ELL3: variants seen among roughly 807,000 people sequenced by gnomAD.
ELL3 encodes the protein RNA polymerase II elongation factor ELL3.
A neutral mutation model predicts 58.5 loss-of-function variants in ELL3; 48 were observed. That is an observed-to-expected ratio of 0.82 (90% CI 0.65 to 1.04). The LOEUF (loss-of-function observed/expected upper bound fraction) is 1.04, where lower values mean the gene tolerates loss of function less well. ELL3 is among the 50% of genes least tolerant of loss of function. ELL3 has a pLI of 0.00. For missense variants in ELL3, 458 were observed against 478.4 expected, an observed-to-expected ratio of 0.96 and a Z score of 0.40; for synonymous variants, 174 against 173.2, an observed-to-expected ratio of 1.00 and a Z score of -0.04.
intron 1 of ELL3, 34 bp downstream of exon 1, chr15:43,776,736 G>T (rs773951495): frequency 1.3e-6 from 2 of 1,587,900 alleles, no homozygotes; most frequent in East Asian, 4.5e-5. Context: ...GGTCCCTAGG[G>T]GCAGTGACTA....
chr15:43,774,563 A>G (rs760736971), intron 7 of ELL3, 33 bp downstream of exon 7: 45 of 1,613,942 alleles, frequency 2.8e-5, no homozygotes, highest in East Asian at 1.8e-4. Flanking sequence ...AGTCTTTTCC[A>G]CTGGCATTTT....
intron 9 of ELL3, among the ~76,000 whole-genome samples, 163 bp downstream of exon 9, chr15:43,774,019 T>G: frequency 6.6e-6 from 1 of 152,096 alleles, no homozygotes; most frequent in East Asian, 1.9e-4. Flanking sequence ...AGAAGGGAAG[T>G]AACTTCCCTT....
Position 43,776,921 on chromosome 15 carries a change from A to G in ELL3, c.-20T>C, listed in dbSNP as rs1489304657. The G allele has an allele frequency of 6.2e-7, 1 of 1,607,924 alleles. No homozygotes were observed. The highest frequency in any genetic ancestry group is 1.3e-5 in the African/African-American group (1 of 74,922). ...CTCCATGGCGACGAGTTCGAGTGCA[A>G]GCAGCACGGGGGCCACAGGCGAGGG... On this transcript the variant is annotated 5_prime_UTR_variant, in exon 1 of 11. Coordinates refer to ENST00000319359, the MANE Select transcript of ELL3 (RefSeq NM_025165.3).
Position 43,775,796 on chromosome 15 carries a change from G to A in ELL3, c.409C>T (p.Pro137Ser). The A allele has an allele frequency of 1.2e-6, 2 of 1,614,176 alleles. No individual in the cohort carries two copies. Among genetic ancestry groups the A allele is most frequent in the Non-Finnish European group, 1.7e-6 (2 of 1,180,042 alleles). ...GHNLTEDARHPESWQNTGGYS... is the reference protein window; with the variant it reads ...GHNLTEDARHSESWQNTGGYS... ...CCTCCTGTGTTCTGCCAACTCTCAG[G>A]ATGTCTGGCATCTTCAGTCAGGTTG... Residue 137 changes from proline (P) to serine (S), a missense_variant, in exon 4 of 11, where the codon CCT becomes TCT. Pro to Ser is a moderately conservative substitution (Grantham distance 74). Coordinates refer to ENST00000319359, the MANE Select transcript of ELL3 (RefSeq NM_025165.3).
chr15:43,772,739 T>C lies in ELL3; in HGVS notation c.*377A>G, dbSNP rs1286843083. ...TTTTAACTCTTATCAGAAGTTATTA[T>C]TACTGTTTCCTTAGAGAGGCTACCA... On this transcript the variant is annotated 3_prime_UTR_variant, in exon 11 of 11. Transcript: ENST00000319359. 1 of 163,644 alleles carries C rather than the reference T, an allele frequency of 6.1e-6. No homozygotes were observed. The highest frequency in any genetic ancestry group is 1.3e-5 in the Non-Finnish European group (1 of 75,820). The allele number at this position is 163,644 out of a possible 1,614,324, so 10.1% of individuals were successfully genotyped here.
chr15:43,774,709 A>C lies in ELL3; in HGVS notation c.710T>G (p.Val237Gly). The C allele has an allele frequency of 6.2e-7, 1 of 1,614,114 alleles. No homozygotes were observed. Among genetic ancestry groups the C allele is most frequent in the Admixed American group, 1.7e-5 (1 of 59,996 alleles). The change falls in exon 7 of 11, where the codon GTG (valine) becomes GGG (glycine). Residue 237 changes from valine (V) to glycine (G), a missense_variant. Transcript: ENST00000319359. ...EEKRFRTLPL[V>G]PSPLQGLTNQ... Reference sequence around the variant, plus strand: ...GGTCAGGCCTTGTAGGGGGCTTGGCACTAAAGGCAGAGTTCTGAACCTCTT... The same window carrying C: ...GGTCAGGCCTTGTAGGGGGCTTGGCCCTAAAGGCAGAGTTCTGAACCTCTT...
rs745711018 is a variant in ELL3 at position 43,773,100 on chromosome 15, A to C, written c.*16T>G. On this transcript the variant is annotated 3_prime_UTR_variant, in exon 11 of 11. Coordinates refer to ENST00000319359, the MANE Select transcript of ELL3 (RefSeq NM_025165.3). ...GTGTTTCACTAAGCAGAGGCTCAAA[A>C]ATTCCCTTGATAACTTCAGCTGCCC... is the stretch of plus-strand genomic sequence containing the variant. The C allele has an allele frequency of 1.3e-6, 2 of 1,582,236 alleles. No individual in the cohort carries two copies. Among genetic ancestry groups the C allele is most frequent in the Non-Finnish European group, 1.7e-6 (2 of 1,168,734 alleles).
chr15:43,774,541 C>G, intron 7 of ELL3, 23 bp from the exon 8 acceptor site: 1 of 1,614,130 alleles, frequency 6.2e-7, no homozygotes, highest in Non-Finnish European at 8.5e-7. Context: ...CAAGAAAACA[C>G]AAGTGATTAT....
At chr15:43,775,954 G>T in intron 3 of ELL3, 31 bp from the exon 4 acceptor site, 1 of 1,613,240 alleles carries the variant, frequency 6.2e-7, no homozygotes, top group Non-Finnish European at 8.5e-7. Context: ...AAAATAGGAG[G>T]GTGGAGACCT....
At chr15:43,776,433 C>T in intron 2 of ELL3, 76 bp downstream of exon 2, 1 of 1,549,738 alleles carries the variant, frequency 6.5e-7, no homozygotes, top group Non-Finnish European at 8.7e-7. Flanking sequence ...CCGGCCCCGA[C>T]CGCACCTTCC....
At position 43,774,369 on chromosome 15, in the gene ELL3, A is replaced by G; in HGVS notation, c.867-16T>C. ...CCTGTATTGCCTGCCAGGAGCAGAG[A>G]GTTGTCACCTTCAATTTCATTGCCC... is the stretch of plus-strand genomic sequence containing the variant. On this transcript the variant is annotated splice_polypyrimidine_tract_variant and intron_variant, in intron 8 of 10. Coordinates refer to ENST00000319359, the MANE Select transcript of ELL3 (RefSeq NM_025165.3). 6.2e-7 allele frequency: 1 copy of G among 1,613,870 alleles called. No individual in the cohort carries two copies. Among genetic ancestry groups the G allele is most frequent in the Non-Finnish European group, 8.5e-7 (1 of 1,179,754 alleles).
At position 43,775,292 on chromosome 15, in the gene ELL3, C is replaced by T; in HGVS notation, c.645+14G>A. 2 of 1,579,612 alleles carry T rather than the reference C, an allele frequency of 1.3e-6. No homozygotes were observed. Among genetic ancestry groups the T allele is most frequent in the Non-Finnish European group, 1.7e-6 (2 of 1,164,398 alleles). ...TAATGTTACAAAAAAAAAGCCCTTG[C>T]CATTCTAACTTACCTTGTCCAGACG... On this transcript the variant is annotated intron_variant, in intron 6 of 10. Transcript: ENST00000319359.
Position 43,776,881 on chromosome 15 carries a change from A to T in ELL3, c.21T>A (p.Pro7=), listed in dbSNP as rs765627109. The change falls in exon 1 of 11, where the codon CCT becomes CCA. Residue 7 remains proline, a synonymous_variant. Coordinates refer to ENST00000319359, the MANE Select transcript of ELL3 (RefSeq NM_025165.3). ...AGCAGAGCCGGAGCTGTCCTCTCAG[A>T]GGCTCCTGGAGCTCCTCCATGGCGA... MEELQE[P]LRGQLRLCFT... The T allele has an allele frequency of 1.2e-6, 2 of 1,611,438 alleles. No homozygotes were observed. Among genetic ancestry groups the T allele is most frequent in the South Asian group, 2.2e-5 (2 of 90,794 alleles).
At chr15:43,774,909 G>T in intron 6 of ELL3, 136 bp from the exon 7 acceptor site, 2 of 934,802 alleles carry the variant, frequency 2.1e-6, no homozygotes, top group South Asian at 1.9e-5. Context: ...CAGGTGGGGG[G>T]ATCGCTTGAG....
rs2086899035 is a variant in ELL3 at position 43,774,312 on chromosome 15, T to C, written c.908A>G (p.Tyr303Cys). 2 of 1,614,124 alleles carry C rather than the reference T, an allele frequency of 1.2e-6. No homozygotes were observed. The highest frequency in any genetic ancestry group is 1.7e-6 in the Non-Finnish European group (2 of 1,180,048). ...AIHSAEQQHAYEQDFETDYAE... is the reference protein window; with the variant it reads ...AIHSAEQQHACEQDFETDYAE... Reference sequence around the variant, plus strand: ...ATAATCTGTCTCAAAGTCCTGCTCATAGGCATGTTGCTGTTCTGCACTGTG... The same window carrying C: ...ATAATCTGTCTCAAAGTCCTGCTCACAGGCATGTTGCTGTTCTGCACTGTG... The change falls in exon 9 of 11, where the codon TAT (tyrosine) becomes TGT (cysteine). Residue 303 changes from tyrosine to cysteine, a missense_variant. By Grantham distance (194) the Tyr-to-Cys change is radical. Transcript: ENST00000319359.
chr15:43,775,125 T>C (rs1291018211), intron 6 of ELL3, among the ~76,000 whole-genome samples, 181 bp downstream of exon 6: 1 of 151,972 alleles, frequency 6.6e-6, no homozygotes, highest in Non-Finnish European at 1.5e-5. Flanking sequence ...AAGGATGGCC[T>C]GAGCCCAGGA....
At chr15:43,774,939 T>G (rs1382465197) in intron 6 of ELL3, among the ~76,000 whole-genome samples, 166 bp from the exon 7 acceptor site, 1 of 151,844 alleles carries the variant, frequency 6.6e-6, no homozygotes, top group Non-Finnish European at 1.5e-5. Flanking sequence ...TCAAGACTAG[T>G]CTGGGTAACA....
chr15:43,774,761 G>A lies in ELL3; in HGVS notation c.658C>T (p.Pro220Ser). ...TCTTCCAGTTCTACAGTGGCTACAG[G>A]CACTGAACGTTTCTGTTGAGGAAAA... ...RKRLDKKRSV[P>S]VATVELEEKR... is the part of the protein sequence containing the mutation. Residue 220 changes from proline to serine, a missense_variant, in exon 7 of 11, where the codon CCT (proline) becomes TCT (serine). Physicochemically the swap from Pro to Ser is moderately conservative, Grantham distance 74. Transcript: ENST00000319359. The A allele has an allele frequency of 6.2e-7, 1 of 1,601,024 alleles. No homozygotes were observed. The highest frequency in any genetic ancestry group is 8.5e-7 in the Non-Finnish European group (1 of 1,176,598).
rs191757047 is a variant in ELL3 at position 43,775,933 on chromosome 15, G to T, written c.282-10C>A. On this transcript the variant is annotated splice_polypyrimidine_tract_variant and intron_variant, in intron 3 of 10. Coordinates refer to ENST00000319359, the MANE Select transcript of ELL3 (RefSeq NM_025165.3). ...GCTGTTAGGCCCAGACCTGGAAAAG[G>T]ATGGTGGAAAAAAATAGGAGGGTGG... 1.2e-6 allele frequency: 2 copies of T among 1,613,794 alleles called. No homozygotes were observed. Among genetic ancestry groups the T allele is most frequent in the Non-Finnish European group, 1.7e-6 (2 of 1,179,942 alleles).
Sources: gnomAD v4.1 joint callset for allele counts (sites outside exome capture counted in the v4.1 genomes callset) on GRCh38, gnomAD v4.1.1 for gene constraint, MANE v1.5 for transcripts, NCBI Gene and HGNC (gene_info 2026-07-23, HGNC 2026-07-21) for gene names.